Variants in FHOD3 observed in about 807,000 individuals in gnomAD.
FHOD3 encodes the protein formin homology 2 domain containing 3.
Under a neutral mutation model 173.0 loss-of-function variants are expected in FHOD3, and 90 were observed. The ratio of observed to expected loss-of-function variants is 0.52; its 90% CI spans 0.44 to 0.62. FHOD3 has a LOEUF of 0.62. Ranked by LOEUF, FHOD3 falls within the 20% of genes least tolerant of loss-of-function variation. The probability of loss-of-function intolerance (pLI) is 0.00; values close to 1 mark genes in which losing one functional copy is unlikely to be tolerated. For missense variants in FHOD3, 1,945 were observed against 2,034.7 expected, an observed-to-expected ratio of 0.96 and a Z score of 0.85; for synonymous variants, 828 against 823.0, an observed-to-expected ratio of 1.01 and a Z score of -0.10.
At chr18:36,556,299 T>C (rs1263996689) in intron 5 of FHOD3, among the ~76,000 whole-genome samples, 1 of 152,146 alleles carries the variant, frequency 6.6e-6, no homozygotes, top group Non-Finnish European at 1.5e-5. Context: ...GTAAATACAG[T>C]TGGCCCTCCA....
intron 9 of FHOD3, among the ~76,000 whole-genome samples, chr18:36,622,006 C>T (rs1170848522): frequency 6.6e-6 from 1 of 152,176 alleles, no homozygotes; most frequent in Non-Finnish European, 1.5e-5. Context: ...TATTTTCAGT[C>T]TTAAGACGGA....
chr18:36,331,913 G>A (rs1163943036), intron 1 of FHOD3, among the ~76,000 whole-genome samples: 1 of 152,118 alleles, frequency 6.6e-6, no homozygotes, highest in East Asian at 1.9e-4. Flanking sequence ...TGCAATGGTG[G>A]GCGGGTGGAC....
intron 2 of FHOD3, among the ~76,000 whole-genome samples, chr18:36,358,981 A>G (rs2046485528): frequency 6.6e-6 from 1 of 152,214 alleles, no homozygotes. Context: ...TATCTTTGAA[A>G]TAGACTTTTT....
chr18:36,413,460 C>T (rs2049462194), intron 3 of FHOD3, among the ~76,000 whole-genome samples: 1 of 152,174 alleles, frequency 6.6e-6, no homozygotes, highest in African/African-American at 2.4e-5. Context: ...GAGCTGAGGT[C>T]AGGCCTGCTG....
rs150510136 is a variant in FHOD3, at chr18:36,531,735, A to C, written c.511+19192A>C. Among the ~76,000 whole-genome samples, 5 of 152,308 alleles carry C rather than the reference A, an allele frequency of 3.3e-5. No homozygotes were observed. The East Asian group carries it at 9.7e-4, about 29-fold the overall frequency. The stretch of plus-strand genomic sequence containing the variant: ...GTCTGAAAAACTGTCTCCAAAGTGG[A>C]ACTCTCTGGGACTGGCTCTTCCTCC... On this transcript the variant is annotated intron_variant, in intron 5 of 28. Transcript: ENST00000590592.
chr18:36,335,729 G>A lies in FHOD3; in HGVS notation c.166-19810G>A, dbSNP rs1201539627. Among the ~76,000 whole-genome samples the A allele has an allele frequency of 5.9e-5, 9 of 152,078 alleles. No individual in the cohort carries two copies. In the South Asian group the frequency reaches 1.0e-3, roughly 17 times the overall value. On this transcript the variant is annotated intron_variant, in intron 1 of 28. Coordinates refer to ENST00000590592, the MANE Select transcript of FHOD3 (RefSeq NM_001281740.3). ...AGGAAGTGTCCAGCTTGCCTCATAC[G>A]GATGCTGCTGCCACATCTCTGTTCC... is the stretch of plus-strand genomic sequence containing the variant.
At chr18:36,720,491 G>A (rs1328796805) in intron 19 of FHOD3, among the ~76,000 whole-genome samples, 1 of 152,022 alleles carries the variant, frequency 6.6e-6, no homozygotes, top group Non-Finnish European at 1.5e-5. Context: ...ACCTGCCTCA[G>A]CCTCCCCAAG....
intron 1 of FHOD3, among the ~76,000 whole-genome samples, chr18:36,310,701 A>AG (rs1359674891): frequency 1.3e-5 from 2 of 151,224 alleles, no homozygotes; most frequent in African/African-American, 4.9e-5. Flanking sequence ...AAAAAAAAAA[A>AG]GAAAAGAAAA....
At chr18:36,662,601 T>A (rs1195265928) in intron 14 of FHOD3, among the ~76,000 whole-genome samples, 1 of 152,202 alleles carries the variant, frequency 6.6e-6, no homozygotes, top group Non-Finnish European at 1.5e-5. Flanking sequence ...GCAGAGTTCT[T>A]CCTACTTCCT....
intron 3 of FHOD3, among the ~76,000 whole-genome samples, chr18:36,463,713 C>G (rs1040993646): frequency 3.4e-4 from 52 of 152,176 alleles, no homozygotes; most frequent in African/African-American, 1.2e-3. Context: ...CCAGGCTGTT[C>G]TCGAACTCCT....
intron 1 of FHOD3, among the ~76,000 whole-genome samples, chr18:36,314,064 C>T (rs1431488100): frequency 9.2e-5 from 14 of 152,114 alleles, no homozygotes; most frequent in Non-Finnish European, 1.5e-5. Context: ...AAGAATTTGT[C>T]ATTCGAGTTT....
intron 2 of FHOD3, among the ~76,000 whole-genome samples, chr18:36,363,126 T>TA (rs1201439063): frequency 1.3e-5 from 2 of 152,094 alleles, no homozygotes; most frequent in Non-Finnish European, 1.5e-5. Flanking sequence ...ATGGCTAAAA[T>TA]AAAAAAACAC....
At chr18:36,766,945 G>A (rs1358529100) in intron 27 of FHOD3, among the ~76,000 whole-genome samples, 1 of 152,122 alleles carries the variant, frequency 6.6e-6, no homozygotes, top group Non-Finnish European at 1.5e-5. Flanking sequence ...ATAGATAAAA[G>A]GGAAAACAGG....
intron 3 of FHOD3, among the ~76,000 whole-genome samples, chr18:36,441,377 G>A (rs2051139554): frequency 6.6e-6 from 1 of 152,206 alleles, no homozygotes; most frequent in African/African-American, 2.4e-5. Flanking sequence ...CTTTAATGTG[G>A]TAAGTGCCAG....
Position 36,466,236 on chromosome 18 carries a change from A to T in FHOD3, c.338-35696A>T, listed in dbSNP as rs1254447426. 3.3e-5 allele frequency among the ~76,000 whole-genome samples: 5 copies of T among 152,290 alleles called. No individual in the cohort carries two copies. In the East Asian group the frequency reaches 9.6e-4, roughly 29 times the overall value. On this transcript the variant is annotated intron_variant, in intron 3 of 28. Coordinates refer to ENST00000590592, the MANE Select transcript of FHOD3 (RefSeq NM_001281740.3). The stretch of plus-strand genomic sequence containing the variant: ...GCTGAAAATGGGTGAATTTGCATTC[A>T]AGTCCTCAGTGAGCCCTTGTCTGGG...
chr18:36,590,130 G>T (rs80188549), intron 6 of FHOD3, among the ~76,000 whole-genome samples: 1,623 of 152,130 alleles, frequency 0.011, 18 homozygotes, highest in Non-Finnish European at 0.017. Context: ...TATCCTCCCC[G>T]ATTTGCCTCT....
chr18:36,700,595 A>G (rs1382077755), intron 17 of FHOD3, among the ~76,000 whole-genome samples: 1 of 151,826 alleles, frequency 6.6e-6, no homozygotes, highest in African/African-American at 2.4e-5. Context: ...GGCCTCAACC[A>G]TCTCTGATCT....
chr18:36,623,829 C>T (rs1444835792), intron 9 of FHOD3, among the ~76,000 whole-genome samples: 5 of 152,144 alleles, frequency 3.3e-5, no homozygotes, highest in East Asian at 1.9e-4. Context: ...TCCTGGTAAA[C>T]GGTTTGTGTA....
At chr18:36,667,066 A>G (rs1263752001) in intron 14 of FHOD3, among the ~76,000 whole-genome samples, 3 of 152,130 alleles carry the variant, frequency 2.0e-5, no homozygotes, top group Non-Finnish European at 4.4e-5. Flanking sequence ...AATTGTTTTG[A>G]TATTCCTTCA....
Sources: gnomAD v4.1 joint callset for allele counts (sites outside exome capture counted in the v4.1 genomes callset) on GRCh38, gnomAD v4.1.1 for gene constraint, MANE v1.5 for transcripts, NCBI Gene and HGNC (gene_info 2026-07-23, HGNC 2026-07-21) for gene names.